Variants in PRKCA observed in about 807,000 individuals in gnomAD.
The protein encoded by PRKCA is protein kinase C alpha.
PRKCA carries 27 observed loss-of-function variants against 87.0 expected under a neutral mutation model. The observed-to-expected ratio is 0.31, with a 90% CI of 0.23 to 0.43. The LOEUF is 0.43. Among genes scored for constraint, PRKCA ranks in the 20% least tolerant of loss-of-function variants. The pLI is 1.00. For synonymous variants in PRKCA, 329 were observed against 311.1 expected, an observed-to-expected ratio of 1.06 and a Z score of -0.61; for missense variants, 518 against 852.3, an observed-to-expected ratio of 0.61 and a Z score of 4.88.
intron 3 of PRKCA, among the ~76,000 whole-genome samples, chr17:66,497,811 A>G (rs1245278204): frequency 2.0e-5 from 3 of 152,220 alleles, no homozygotes; most frequent in Non-Finnish European, 2.9e-5. Context: ...ACATTTTTGC[A>G]GTGTGCTCTG....
At chr17:66,425,741 TG>T (rs1178049046) in intron 2 of PRKCA, among the ~76,000 whole-genome samples, 9 of 152,146 alleles carry the variant, frequency 5.9e-5, no homozygotes, top group Non-Finnish European at 1.0e-4. Context: ...ATTATTTGTT[TG>T]CGTGTATCTT....
intron 2 of PRKCA, among the ~76,000 whole-genome samples, chr17:66,460,395 A>G (rs917065842): frequency 1.3e-5 from 2 of 152,134 alleles, no homozygotes; most frequent in African/African-American, 2.4e-5. Flanking sequence ...TAGAGGGGGG[A>G]AAAGGCATAC....
intron 3 of PRKCA, among the ~76,000 whole-genome samples, chr17:66,526,390 A>G (rs1967348631): frequency 6.6e-6 from 1 of 152,182 alleles, no homozygotes; most frequent in Non-Finnish European, 1.5e-5. Context: ...TCACTTGCAG[A>G]CATAATCTGC....
intron 3 of PRKCA, among the ~76,000 whole-genome samples, chr17:66,627,674 A>T (rs1036325608): frequency 2.0e-5 from 3 of 152,192 alleles, no homozygotes; most frequent in African/African-American, 4.8e-5. Flanking sequence ...GATCAACTAA[A>T]ACTAAGTGCC....
rs553715195 is a variant in PRKCA, at chr17:66,744,911, C to T, written c.1524+2151C>T. ...CTTGGTTCGTGGTGTCTTCTTCCCT[C>T]CCCCATGCAACGTAGCATCTTCCAA... On this transcript the variant is annotated intron_variant, in intron 13 of 16. Coordinates refer to ENST00000413366, the MANE Select transcript of PRKCA (RefSeq NM_002737.3). Among the ~76,000 whole-genome samples, 20 of 152,268 alleles carry T rather than the reference C, an allele frequency of 1.3e-4. No individual in the cohort carries two copies. The South Asian group carries it at 3.9e-3, about 30-fold the overall frequency.
At chr17:66,798,471 T>C (rs935911332) in intron 16 of PRKCA, among the ~76,000 whole-genome samples, 63 of 38,568 alleles carry the variant, frequency 1.6e-3, no homozygotes, top group East Asian at 3.4e-3. Context: ...GTGGTGGTGG[T>C]GGTGGTGGTG....
chr17:66,472,401 C>G (rs1477294618), intron 2 of PRKCA, among the ~76,000 whole-genome samples: 1 of 152,160 alleles, frequency 6.6e-6, no homozygotes, highest in Non-Finnish European at 1.5e-5. Context: ...GCACAGGTGT[C>G]CCTGGGTTGG....
intron 1 of PRKCA, 96 bp downstream of exon 1, chr17:66,303,120 C>G: frequency 1.3e-6 from 2 of 1,486,938 alleles, no homozygotes; most frequent in Non-Finnish European, 1.8e-6. Context: ...CTGGCTCACT[C>G]CGATAACTTG....
At chr17:66,388,616 A>G (rs533822200) in intron 2 of PRKCA, among the ~76,000 whole-genome samples, 3 of 152,272 alleles carry the variant, frequency 2.0e-5, no homozygotes, top group East Asian at 1.9e-4. Context: ...CTTATTGGCC[A>G]TAGTTCTCTT....
At chr17:66,717,331 A>G (rs983050871) in intron 8 of PRKCA, among the ~76,000 whole-genome samples, 1 of 152,208 alleles carries the variant, frequency 6.6e-6, no homozygotes, top group African/African-American at 2.4e-5. Context: ...CAGAGACAGT[A>G]TTTGGCCCAC....
chr17:66,746,984 G>A (rs979747132), intron 13 of PRKCA, among the ~76,000 whole-genome samples: 9 of 152,232 alleles, frequency 5.9e-5, no homozygotes, highest in Non-Finnish European at 1.3e-4. Context: ...AGCAGGAAGA[G>A]TGTCTGCTTC....
chr17:66,625,906 T>C (rs189685958), intron 3 of PRKCA, among the ~76,000 whole-genome samples: 4 of 152,346 alleles, frequency 2.6e-5, no homozygotes, highest in African/African-American at 9.6e-5. Flanking sequence ...GACTCTCCTT[T>C]GACTCTCCAT....
At chr17:66,444,969 A>T (rs564668056) in intron 2 of PRKCA, among the ~76,000 whole-genome samples, 1 of 151,900 alleles carries the variant, frequency 6.6e-6, no homozygotes, top group Non-Finnish European at 1.5e-5. Context: ...ACACATACAG[A>T]CTCCCTCACT....
intron 3 of PRKCA, among the ~76,000 whole-genome samples, chr17:66,569,414 C>G (rs1969000137): frequency 6.6e-6 from 1 of 152,034 alleles, no homozygotes; most frequent in African/African-American, 2.4e-5. Context: ...ACTAAAAATA[C>G]AAAAATTAGC....
At chr17:66,307,219 C>T (rs531243244) in intron 2 of PRKCA, among the ~76,000 whole-genome samples, 4 of 152,268 alleles carry the variant, frequency 2.6e-5, no homozygotes, top group Non-Finnish European at 5.9e-5. Flanking sequence ...AAAACCCCTA[C>T]TGAGTGTATC....
chr17:66,494,713 A>C (rs1475379771), intron 2 of PRKCA, among the ~76,000 whole-genome samples: 1 of 152,208 alleles, frequency 6.6e-6, no homozygotes, highest in Non-Finnish European at 1.5e-5. Context: ...TGATAAGAGT[A>C]GTAGATGATG....
chr17:66,569,750 TAAGAAA>T (rs1969015252), intron 3 of PRKCA, among the ~76,000 whole-genome samples: 1 of 152,008 alleles, frequency 6.6e-6, no homozygotes, highest in African/African-American at 2.4e-5. Context: ...CCAGCAGTCG[TAAGAAA>T]GAATAAAATG....
intron 2 of PRKCA, among the ~76,000 whole-genome samples, chr17:66,454,748 C>A (rs1390493371): frequency 6.6e-6 from 1 of 152,210 alleles, no homozygotes; most frequent in Non-Finnish European, 1.5e-5. Context: ...CTGGCTCCCT[C>A]CCCCAATGTG....
intron 2 of PRKCA, among the ~76,000 whole-genome samples, chr17:66,488,822 A>G (rs1366683466): frequency 6.6e-6 from 1 of 152,214 alleles, no homozygotes; most frequent in Admixed American, 6.5e-5. Context: ...GAGTGCATTT[A>G]TTTGATTTGT....
Sources: allele counts gnomAD v4.1 joint callset (sites outside exome capture counted in the v4.1 genomes callset), GRCh38; gene constraint gnomAD v4.1.1; transcripts MANE v1.5; gene names NCBI Gene and HGNC (gene_info 2026-07-23, HGNC 2026-07-21).